Variants in LRRTM4 observed in about 807,000 individuals in gnomAD.
LRRTM4 encodes leucine-rich repeat transmembrane neuronal protein 4.
LRRTM4 carries 25 observed loss-of-function variants against 47.6 expected under a neutral mutation model. The ratio of observed to expected loss-of-function variants is 0.53; its 90% CI spans 0.38 to 0.73. The LOEUF is 0.73. Among genes scored for constraint, LRRTM4 ranks in the 30% least tolerant of loss-of-function variants. The pLI, the probability that LRRTM4 is intolerant of heterozygous loss-of-function variation, is 0.00. For synonymous variants in LRRTM4, 311 were observed against 269.5 expected (o/e 1.15, Z -1.51); for missense variants, 638 against 713.4 (o/e 0.89, Z 1.20).
chr2:76,806,454 G>A (rs1353123921), intron 3 of LRRTM4, among the ~76,000 whole-genome samples: 1 of 152,066 alleles, frequency 6.6e-6, no homozygotes, highest in African/African-American at 2.4e-5. Context: ...GGTAGCGCAC[G>A]CCTGTAATCC....
Position 77,183,514 on chromosome 2 carries a change from T to A in LRRTM4, c.1551+334804A>T, listed in dbSNP as rs953056479. ...TAAACTAGTTCAACCATTGTGGAAG[T>A]CAGTGTGGCAATTCCTCAGGGATCT... On this transcript the variant is annotated intron_variant, in intron 3 of 3. Transcript: ENST00000409884. Among the ~76,000 whole-genome samples, 6 of 152,264 alleles carry A rather than the reference T, an allele frequency of 3.9e-5. No homozygotes were observed. In the South Asian group the frequency reaches 8.3e-4, roughly 21 times the overall value.
chr2:77,500,399 T>C (rs1352050641), intron 3 of LRRTM4, among the ~76,000 whole-genome samples: 2 of 151,784 alleles, frequency 1.3e-5, no homozygotes, highest in Admixed American at 1.3e-4. Flanking sequence ...ATATTTGGCA[T>C]ATTGTTTCTG....
intron 3 of LRRTM4, among the ~76,000 whole-genome samples, chr2:77,241,225 CACACACACACACACACACACAT>C (rs1675253591): frequency 8.6e-6 from 1 of 116,510 alleles, no homozygotes; most frequent in Non-Finnish European, 1.9e-5. Flanking sequence ...CACACACACA[CACACACACACACACACACACAT>C]GGGTCTAGAA....
At chr2:76,901,844 T>C (rs765309713) in intron 3 of LRRTM4, among the ~76,000 whole-genome samples, 10 of 152,170 alleles carry the variant, frequency 6.6e-5, no homozygotes, top group South Asian at 2.1e-4. Context: ...ACCATTTACA[T>C]AGAATAAGTA....
intron 3 of LRRTM4, among the ~76,000 whole-genome samples, chr2:77,038,639 T>C (rs1467710170): frequency 1.3e-5 from 2 of 151,480 alleles, no homozygotes. Flanking sequence ...ACTAAACAAC[T>C]AGCATAACAA....
chr2:77,287,874 A>C (rs570211579), intron 3 of LRRTM4, among the ~76,000 whole-genome samples: 2 of 152,192 alleles, frequency 1.3e-5, no homozygotes, highest in African/African-American at 4.8e-5. Flanking sequence ...GTTTGGTACT[A>C]TCCGTGCCTT....
intron 3 of LRRTM4, among the ~76,000 whole-genome samples, chr2:76,831,982 A>G (rs772406701): frequency 2.0e-5 from 3 of 152,076 alleles, no homozygotes; most frequent in Non-Finnish European, 4.4e-5. Flanking sequence ...GAAATCATCA[A>G]TACATTGTTA....
chr2:76,916,883 C>G (rs1414815633), intron 3 of LRRTM4, among the ~76,000 whole-genome samples: 1 of 152,196 alleles, frequency 6.6e-6, no homozygotes, highest in East Asian at 1.9e-4. Context: ...CTAATTCCAG[C>G]TAAGATATTT....
At chr2:77,065,036 A>C (rs915740769) in intron 3 of LRRTM4, among the ~76,000 whole-genome samples, 1 of 152,160 alleles carries the variant, frequency 6.6e-6, no homozygotes, top group African/African-American at 2.4e-5. Flanking sequence ...CTCATTTAAC[A>C]TATCGATTCA....
At chr2:77,051,547 T>G (rs569209774) in intron 3 of LRRTM4, among the ~76,000 whole-genome samples, 1 of 152,266 alleles carries the variant, frequency 6.6e-6, no homozygotes, top group African/African-American at 2.4e-5. Context: ...GAAGCCAAAA[T>G]ACATTAATTC....
intron 3 of LRRTM4, among the ~76,000 whole-genome samples, chr2:77,117,367 T>C (rs1330330528): frequency 6.6e-6 from 1 of 151,986 alleles, no homozygotes; most frequent in African/African-American, 2.4e-5. Context: ...TTAAATATTA[T>C]CTCTTACATG....
chr2:77,329,288 T>C (rs1670886695), intron 3 of LRRTM4, among the ~76,000 whole-genome samples: 1 of 152,188 alleles, frequency 6.6e-6, no homozygotes, highest in Non-Finnish European at 1.5e-5. Context: ...ACCAAACAGG[T>C]TTTCATTCAG....
intron 3 of LRRTM4, among the ~76,000 whole-genome samples, chr2:77,337,959 T>G (rs551197389): frequency 6.6e-6 from 1 of 152,282 alleles, no homozygotes; most frequent in South Asian, 2.1e-4. Context: ...CCATCTGATC[T>G]TCAACAAAGT....
intron 3 of LRRTM4, among the ~76,000 whole-genome samples, chr2:77,173,050 G>C (rs537413741): frequency 6.6e-6 from 1 of 152,198 alleles, no homozygotes; most frequent in South Asian, 2.1e-4. Flanking sequence ...GCCAATGATG[G>C]GCATGATGGA....
intron 3 of LRRTM4, among the ~76,000 whole-genome samples, chr2:77,181,845 GA>G (rs1256455018): frequency 2.6e-5 from 4 of 152,084 alleles, no homozygotes; most frequent in Non-Finnish European, 4.4e-5. Context: ...GATCACTAGA[GA>G]AATGCAAATC....
chr2:77,091,220 A>G (rs1670625914), intron 3 of LRRTM4, among the ~76,000 whole-genome samples: 1 of 150,468 alleles, frequency 6.6e-6, no homozygotes, highest in African/African-American at 2.5e-5. Context: ...CCCAATCAAG[A>G]GCCTCCTTTG....
chr2:77,108,555 A>T (rs1376519305), intron 3 of LRRTM4, among the ~76,000 whole-genome samples: 1 of 150,484 alleles, frequency 6.6e-6, no homozygotes, highest in Non-Finnish European at 1.5e-5. Context: ...TAGTTATTTA[A>T]TTTTTTAAAG....
chr2:77,278,338 A>C (rs974534945), intron 3 of LRRTM4, among the ~76,000 whole-genome samples: 5 of 152,074 alleles, frequency 3.3e-5, no homozygotes, highest in Admixed American at 6.6e-5. Context: ...ATTAAAAACC[A>C]ATTGTTAAGT....
Position 77,083,783 on chromosome 2 carries a change from CTTTTTT to C in LRRTM4, c.1552-334873_1552-334868del, listed in dbSNP as rs386390525. ...ACTTCTCAATTTTTAACTGGACACA[CTTTTTT>C]TTTTTTTTTTTTTTTTTTTTTTTTT... On this transcript the variant is annotated intron_variant, in intron 3 of 3. Coordinates refer to ENST00000409884, the MANE Select transcript of LRRTM4 (RefSeq NM_001134745.3). 2.6e-3 allele frequency among the ~76,000 whole-genome samples: 137 copies of C among 52,372 alleles called. 1 individual carries two copies. Among genetic ancestry groups the C allele is most frequent in the South Asian group, 6.8e-3 (10 of 1,468 alleles). The allele number at this position is 52,372 out of a possible 152,430, so 34.4% of individuals were successfully genotyped here. A position where few individuals can be genotyped will look rare whatever the true frequency, so the allele number is the denominator to read the frequency against.
Sources: allele counts gnomAD v4.1 joint callset (sites outside exome capture counted in the v4.1 genomes callset), GRCh38; gene constraint gnomAD v4.1.1; transcripts MANE v1.5; gene names NCBI Gene and HGNC (gene_info 2026-07-23, HGNC 2026-07-21).